FBXO16: variants seen among roughly 807,000 people sequenced by gnomAD.
FBXO16 encodes the protein F-box only protein 16.
In FBXO16, 31 loss-of-function variants were observed where a neutral mutation model predicts 41.0. The ratio of observed to expected loss-of-function variants is 0.76; its 90% CI spans 0.57 to 1.02. The LOEUF (loss-of-function observed/expected upper bound fraction) is 1.02. Ranked by LOEUF, FBXO16 falls within the 50% of genes least tolerant of loss-of-function variation. The probability of loss-of-function intolerance (pLI) is 0.00; values close to 1 mark genes in which losing one functional copy is unlikely to be tolerated. For synonymous variants in FBXO16, 133 were observed against 117.8 expected (o/e 1.13, Z -0.84); for missense variants, 361 against 346.2 (o/e 1.04, Z -0.34).
chr8:28,451,557 T>A (rs995741267), intron 6 of FBXO16, among the ~76,000 whole-genome samples: 6 of 150,856 alleles, frequency 4.0e-5, no homozygotes, highest in South Asian at 4.2e-4. Context: ...AGTAAATATT[T>A]TATATATATA....
rs10551698 is a variant in FBXO16 at position 28,433,059 on chromosome 8, C to CAA, written c.844-3658_844-3657dup. On this transcript the variant is annotated intron_variant, in intron 7 of 8. Coordinates refer to ENST00000380254, the MANE Select transcript of FBXO16 (RefSeq NM_172366.4). ...CTCGGCGACAGAGTGAGACTTCGTCCAAAAAAAAAAAAAACAAACAAAAAA... is the reference window on the plus strand; with the variant it reads ...CTCGGCGACAGAGTGAGACTTCGTCCAAAAAAAAAAAAAAAACAAACAAAAAA... Among the ~76,000 whole-genome samples the CAA allele has an allele frequency of 9.5e-3, 1,120 of 117,822 alleles. 14 individuals are homozygous for CAA. Among genetic ancestry groups the CAA allele is most frequent in the African/African-American group, 0.029 (1,033 of 35,558 alleles). 77.3% of individuals were successfully genotyped at this position (117,822 alleles called of 152,430 possible). A position where few individuals can be genotyped will look rare whatever the true frequency, so the allele number is the denominator to read the frequency against.
chr8:28,481,529 G>A (rs192967316), intron 2 of FBXO16, among the ~76,000 whole-genome samples: 28 of 152,214 alleles, frequency 1.8e-4, no homozygotes, highest in African/African-American at 5.3e-4. Flanking sequence ...CTGAGCATTC[G>A]TGGCGAGTGC....
intron 4 of FBXO16, among the ~76,000 whole-genome samples, chr8:28,458,402 T>C (rs1182677389): frequency 6.6e-6 from 1 of 152,164 alleles, no homozygotes; most frequent in African/African-American, 2.4e-5. Context: ...TTTAGTTTGT[T>C]TGACCCAGAA....
intron 2 of FBXO16, among the ~76,000 whole-genome samples, chr8:28,477,152 T>C (rs549188499): frequency 6.6e-6 from 1 of 152,322 alleles, no homozygotes; most frequent in African/African-American, 2.4e-5. Flanking sequence ...AATTCAATCT[T>C]CTGCTTAAAA....
rs747957870 is a variant in FBXO16 at position 28,451,206 on chromosome 8, G to T, written c.740+1038C>A. 4.4e-4 allele frequency among the ~76,000 whole-genome samples: 67 copies of T among 152,112 alleles called. 1 individual carries two copies. The highest frequency in any genetic ancestry group is 1.8e-3 in the Admixed American group (27 of 15,276). ...CTGTTTCACATATTCTGCATCTCTG[G>T]GGAGAGCTGAAGAGTCACTTTCAGC... On this transcript the variant is annotated intron_variant, in intron 6 of 8. Coordinates refer to ENST00000380254, the MANE Select transcript of FBXO16 (RefSeq NM_172366.4).
At chr8:28,457,001 A>C (rs1420963165) in intron 4 of FBXO16, 71 bp from the exon 5 acceptor site, 2 of 1,521,256 alleles carry the variant, frequency 1.3e-6, no homozygotes, top group Non-Finnish European at 1.8e-6. Context: ...CACTTTCTCT[A>C]GGTTTTGAGC....
At chr8:28,431,152 C>A (rs1802599705) in intron 7 of FBXO16, among the ~76,000 whole-genome samples, 1 of 152,276 alleles carries the variant, frequency 6.6e-6, no homozygotes, top group African/African-American at 2.4e-5. Flanking sequence ...AGTCCCCGGG[C>A]AGTTCACAGG....
intron 3 of FBXO16, among the ~76,000 whole-genome samples, chr8:28,466,830 G>A (rs1803251344): frequency 6.6e-6 from 1 of 152,214 alleles, no homozygotes; most frequent in African/African-American, 2.4e-5. Flanking sequence ...TAGTGTGGGA[G>A]AGCTGGGGAG....
At chr8:28,463,158 G>A (rs984231595) in intron 4 of FBXO16, among the ~76,000 whole-genome samples, 4 of 151,978 alleles carry the variant, frequency 2.6e-5, no homozygotes, top group African/African-American at 9.7e-5. Context: ...ATGTTTGTGT[G>A]TGTATGTGTG....
intron 6 of FBXO16, among the ~76,000 whole-genome samples, chr8:28,449,409 C>A (rs1182849332): frequency 6.7e-6 from 1 of 148,802 alleles, no homozygotes; most frequent in Non-Finnish European, 1.5e-5. Context: ...GCAGCCTCCA[C>A]TTCCTGGGCT....
At chr8:28,480,599 G>T (rs774645086) in intron 2 of FBXO16, among the ~76,000 whole-genome samples, 2 of 151,984 alleles carry the variant, frequency 1.3e-5, no homozygotes, top group African/African-American at 4.8e-5. Flanking sequence ...CACCTCCTGG[G>T]TTCAAGTGAT....
At chr8:28,432,060 C>T (rs1014015377) in intron 7 of FBXO16, among the ~76,000 whole-genome samples, 3 of 151,912 alleles carry the variant, frequency 2.0e-5, no homozygotes, top group African/African-American at 4.8e-5. Context: ...TCCTTTTTCA[C>T]ACAACTGGCA....
At chr8:28,438,902 C>T in intron 7 of FBXO16, among the ~76,000 whole-genome samples, 1 of 151,726 alleles carries the variant, frequency 6.6e-6, no homozygotes, top group Non-Finnish European at 1.5e-5. Context: ...GAGTTTGAGA[C>T]CAGACTAGCC....
At chr8:28,436,717 T>A (rs543119064) in intron 7 of FBXO16, among the ~76,000 whole-genome samples, 29 of 152,222 alleles carry the variant, frequency 1.9e-4, no homozygotes, top group Admixed American at 1.8e-3. Context: ...GAAACACACA[T>A]ACACACACAC....
intron 7 of FBXO16, among the ~76,000 whole-genome samples, chr8:28,442,368 T>G (rs1279454898): frequency 6.6e-6 from 1 of 151,872 alleles, no homozygotes; most frequent in Non-Finnish European, 1.5e-5. Flanking sequence ...AGCAATCAGG[T>G]CTAAGCTTTA....
At chr8:28,482,028 TG>T (rs2130199822) in intron 2 of FBXO16, among the ~76,000 whole-genome samples, 1 of 152,304 alleles carries the variant, frequency 6.6e-6, no homozygotes, top group South Asian at 2.1e-4. Context: ...ATCATTTACC[TG>T]GGCCCTATGT....
At chr8:28,454,783 T>C (rs1803013479) in intron 5 of FBXO16, among the ~76,000 whole-genome samples, 1 of 150,444 alleles carries the variant, frequency 6.6e-6, no homozygotes, top group Non-Finnish European at 1.5e-5. Context: ...ACAAAATGCT[T>C]ACACTTTAAC....
intron 6 of FBXO16, chr8:28,447,656 A>C (rs1040766784): frequency 3.0e-5 from 5 of 164,700 alleles, no homozygotes; most frequent in South Asian, 1.7e-4. Context: ...TGTACTTTTT[A>C]AAATGGAAGG....
chr8:28,468,593 G>A (rs924729636), intron 3 of FBXO16, among the ~76,000 whole-genome samples: 6 of 152,176 alleles, frequency 3.9e-5, no homozygotes, highest in Middle Eastern at 3.2e-3. Flanking sequence ...ACTTTGAAAG[G>A]CCAACACGGA....
Sources: gnomAD v4.1 joint callset for allele counts (sites outside exome capture counted in the v4.1 genomes callset) on GRCh38, gnomAD v4.1.1 for gene constraint, MANE v1.5 for transcripts, NCBI Gene and HGNC (gene_info 2026-07-23, HGNC 2026-07-21) for gene names.